SOX6: variants seen among roughly 807,000 people sequenced by gnomAD.
SOX6 encodes the protein transcription factor SOX-6.
SOX6 carries 11 observed loss-of-function variants against 97.8 expected under a neutral mutation model. The observed-to-expected ratio is 0.11, with a 90% confidence interval of 0.07 to 0.19. The LOEUF (loss-of-function observed/expected upper bound fraction) is 0.19. SOX6 is among the 10% of genes least tolerant of loss of function. The pLI is 1.00. For synonymous variants in SOX6, 360 were observed against 371.4 expected, an observed-to-expected ratio of 0.97 and a Z score of 0.35; for missense variants, 810 against 1,039.5, an observed-to-expected ratio of 0.78 and a Z score of 3.04.
intron 4 of SOX6, among the ~76,000 whole-genome samples, chr11:16,489,055 TA>T (rs1198879111): frequency 2.6e-5 from 4 of 152,112 alleles, no homozygotes; most frequent in Non-Finnish European, 5.9e-5. Flanking sequence ...ACACACTTTT[TA>T]AAAAATAATA....
intron 12 of SOX6, among the ~76,000 whole-genome samples, chr11:16,022,740 A>G (rs369652929): frequency 6.6e-6 from 1 of 152,144 alleles, no homozygotes; most frequent in Non-Finnish European, 1.5e-5. Context: ...CTTGGCTGCT[A>G]AGTAACTCAG....
chr11:16,370,405 T>G (rs539747471), intron 1 of SOX6, among the ~76,000 whole-genome samples: 60 of 152,292 alleles, frequency 3.9e-4, no homozygotes, highest in African/African-American at 1.4e-3. Context: ...GACCAAAAGA[T>G]TGACAGCAGA....
At chr11:16,561,492 G>A in intron 4 of SOX6, among the ~76,000 whole-genome samples, 1 of 152,110 alleles carries the variant, frequency 6.6e-6, no homozygotes, top group South Asian at 2.1e-4. Flanking sequence ...GGTCATGAGG[G>A]CAGGGACTTT....
rs565157408 is a variant in SOX6, at chr11:16,500,431, A to G, written n.610-24043T>C. Among the ~76,000 whole-genome samples, 4 of 152,280 alleles carry G rather than the reference A, an allele frequency of 2.6e-5. No homozygotes were observed. The East Asian group carries it at 5.8e-4, about 22-fold the overall frequency. The stretch of plus-strand genomic sequence containing the variant: ...AGGGATGCCCTCTCCCACCACTCCT[A>G]TTCAACGTAGTGTTGGAAGTTCTAG... On this transcript the variant is annotated intron_variant and non_coding_transcript_variant, in intron 4 of 5. Coordinates refer to the SOX6 transcript ENST00000524520.
intron 4 of SOX6, among the ~76,000 whole-genome samples, chr11:16,227,082 A>G (rs1230614933): frequency 2.0e-5 from 3 of 149,662 alleles, no homozygotes; most frequent in Admixed American, 6.6e-5. Flanking sequence ...ATATAAAATC[A>G]GTATAATAAT....
At chr11:16,710,777 C>T (rs1268795730) in intron 3 of SOX6, among the ~76,000 whole-genome samples, 2 of 152,144 alleles carry the variant, frequency 1.3e-5, no homozygotes, top group African/African-American at 4.8e-5. Context: ...TTAGCCACGA[C>T]TTTTGTGAGC....
intron 1 of SOX6, among the ~76,000 whole-genome samples, chr11:16,412,286 T>C (rs1858836614): frequency 6.6e-6 from 1 of 152,194 alleles, no homozygotes; most frequent in Non-Finnish European, 1.5e-5. Context: ...TTTATGCTCA[T>C]GAAAAGTAAA....
intron 1 of SOX6, among the ~76,000 whole-genome samples, chr11:16,456,651 A>C (rs900025209): frequency 1.3e-5 from 2 of 152,226 alleles, no homozygotes; most frequent in Middle Eastern, 6.8e-3. Context: ...TCTATTAGTT[A>C]TGTATGTCAA....
chr11:16,721,759 T>A (rs1848268910), intron 2 of SOX6, among the ~76,000 whole-genome samples: 1 of 151,004 alleles, frequency 6.6e-6, no homozygotes, highest in African/African-American at 2.4e-5. Context: ...GAACTGTGAG[T>A]CAATTAAACC....
intron 1 of SOX6, among the ~76,000 whole-genome samples, chr11:16,437,898 T>A (rs1859414991): frequency 6.6e-6 from 1 of 152,214 alleles, no homozygotes; most frequent in Admixed American, 6.5e-5. Flanking sequence ...ATATGGTATA[T>A]GCTCAATAAA....
At chr11:16,404,095 C>T (rs1858627411) in intron 1 of SOX6, among the ~76,000 whole-genome samples, 1 of 151,800 alleles carries the variant, frequency 6.6e-6, no homozygotes, top group Admixed American at 6.6e-5. Flanking sequence ...TCTGTAAAGT[C>T]AAACCAAGAT....
At chr11:16,580,305 T>TGG (rs1848020641) in intron 4 of SOX6, among the ~76,000 whole-genome samples, 1 of 152,130 alleles carries the variant, frequency 6.6e-6, no homozygotes, top group Non-Finnish European at 1.5e-5. Context: ...AAGACTCTAT[T>TGG]AATGAGCAAG....
chr11:16,063,745 G>A (rs1377203726), intron 9 of SOX6, among the ~76,000 whole-genome samples: 1 of 149,938 alleles, frequency 6.7e-6, no homozygotes. Context: ...TAAACTCAGT[G>A]AGGCACTGGG....
chr11:16,245,510 C>T (rs2134191330), intron 3 of SOX6, among the ~76,000 whole-genome samples: 1 of 151,734 alleles, frequency 6.6e-6, no homozygotes, highest in African/African-American at 2.4e-5. Context: ...TTATCATATT[C>T]TAAAAGAGGT....
At chr11:16,639,642 G>C (rs1311650001) in intron 3 of SOX6, among the ~76,000 whole-genome samples, 2 of 152,152 alleles carry the variant, frequency 1.3e-5, no homozygotes, top group Admixed American at 6.5e-5. Context: ...TCCGTTTTAA[G>C]TTGGATTCCT....
intron 2 of SOX6, among the ~76,000 whole-genome samples, chr11:16,733,506 C>G (rs1848366917): frequency 6.7e-6 from 1 of 149,628 alleles, no homozygotes; most frequent in South Asian, 2.1e-4. Flanking sequence ...CATGTTCCCA[C>G]TCATAAGCGG....
intron 3 of SOX6, among the ~76,000 whole-genome samples, chr11:16,295,535 C>T (rs1021545548): frequency 2.0e-5 from 3 of 152,020 alleles, no homozygotes; most frequent in Non-Finnish European, 4.4e-5. Context: ...ATAATTCTTA[C>T]CTGGACTACA....
chr11:16,295,865 T>G (rs551049806), intron 3 of SOX6, among the ~76,000 whole-genome samples: 1 of 152,106 alleles, frequency 6.6e-6, no homozygotes, highest in South Asian at 2.1e-4. Flanking sequence ...AACAAAGGAA[T>G]AGCTGAAATT....
rs1260380688 is a variant in SOX6 at position 16,176,064 on chromosome 11, G to A, written c.777+7822C>T. The stretch of plus-strand genomic sequence containing the variant: ...GGATGGATGGATGGACGGACAGACG[G>A]ACGGACGGATGGATGGATGGATGGA... On this transcript the variant is annotated intron_variant, in intron 6 of 15. Coordinates refer to ENST00000683767, the MANE Select transcript of SOX6 (RefSeq NM_001367873.1). Among the ~76,000 whole-genome samples the A allele has an allele frequency of 6.0e-5, 7 of 117,078 alleles. No individual in the cohort carries two copies. In the East Asian group the frequency reaches 1.6e-3, roughly 27 times the overall value. 76.8% of individuals were successfully genotyped at this position (117,078 alleles called of 152,430 possible). A position where few individuals can be genotyped will look rare whatever the true frequency, so the allele number is the denominator to read the frequency against.
Sources: allele counts gnomAD v4.1 joint callset (sites outside exome capture counted in the v4.1 genomes callset), GRCh38; gene constraint gnomAD v4.1.1; transcripts MANE v1.5; gene names NCBI Gene and HGNC (gene_info 2026-07-23, HGNC 2026-07-21).